Variants in C13orf42 observed in about 807,000 individuals in gnomAD.
The protein encoded by C13orf42 is uncharacterized protein C13orf42.
intron 1 of C13orf42, among the ~76,000 whole-genome samples, chr13:51,109,285 G>A (rs1235860641): frequency 6.6e-6 from 1 of 152,192 alleles, no homozygotes; most frequent in Non-Finnish European, 1.5e-5. Context: ...ATTTGATAGT[G>A]GGCCAGTCAG....
chr13:51,102,973 C>T (rs1384305126), intron 1 of C13orf42, among the ~76,000 whole-genome samples: 1 of 152,120 alleles, frequency 6.6e-6, no homozygotes, highest in Non-Finnish European at 1.5e-5. Context: ...GGGTAAACCG[C>T]CCCCATAATC....
At chr13:51,165,881 G>A (rs919797839) in intron 1 of C13orf42, among the ~76,000 whole-genome samples, 2 of 152,142 alleles carry the variant, frequency 1.3e-5, no homozygotes, top group African/African-American at 4.8e-5. Context: ...TTTTTAATCG[G>A]CATAGCACTA....
chr13:51,161,749 G>C (rs1399370268), intron 1 of C13orf42: 1 of 273,986 alleles, frequency 3.6e-6, no homozygotes, highest in East Asian at 9.6e-5. Context: ...CCCATGATGT[G>C]CTTCTGATGC....
At chr13:51,113,831 T>A (rs1436195484), upstream of C13orf42, among the ~76,000 whole-genome samples, 1 of 152,248 alleles carries the variant, frequency 6.6e-6, no homozygotes, top group East Asian at 1.9e-4. Context: ...GACAAACATC[T>A]AAGCAGGGAG....
chr13:51,092,339 T>C (rs1354751317), intron 1 of C13orf42, among the ~76,000 whole-genome samples: 1 of 152,256 alleles, frequency 6.6e-6, no homozygotes, highest in Admixed American at 6.5e-5. Flanking sequence ...ATCCATGTTT[T>C]TGATCACCAA....
At chr13:51,121,106 G>C (rs2138013774) in intron 1 of C13orf42, among the ~76,000 whole-genome samples, 1 of 152,326 alleles carries the variant, frequency 6.6e-6, no homozygotes, top group Middle Eastern at 3.4e-3. Flanking sequence ...ACAAGCTGTA[G>C]TGGTTGGTAG....
At chr13:51,115,160 T>G (rs564455809), upstream of C13orf42, among the ~76,000 whole-genome samples, 5 of 152,356 alleles carry the variant, frequency 3.3e-5, no homozygotes, top group South Asian at 1.0e-3. Flanking sequence ...CAAGCTATTA[T>G]TCCAGGTAAA....
chr13:51,123,994 T>C (rs1953556578), intron 1 of C13orf42, among the ~76,000 whole-genome samples: 2 of 152,206 alleles, frequency 1.3e-5, no homozygotes, highest in African/African-American at 4.8e-5. Flanking sequence ...TTACCAGCCA[T>C]TATTCCGGAG....
intron 1 of C13orf42, among the ~76,000 whole-genome samples, chr13:51,151,860 G>A (rs1422265909): frequency 6.6e-6 from 1 of 152,104 alleles, no homozygotes; most frequent in African/African-American, 2.4e-5. Context: ...ATGGTCCCAG[G>A]GCCTTTTATT....
intron 1 of C13orf42, among the ~76,000 whole-genome samples, chr13:51,150,949 T>C (rs1953773625): frequency 6.6e-6 from 1 of 152,172 alleles, no homozygotes; most frequent in Non-Finnish European, 1.5e-5. Context: ...CCAAAAAAAT[T>C]GGCCACAGCA....
intron 1 of C13orf42, among the ~76,000 whole-genome samples, chr13:51,130,763 C>T (rs1466777100): frequency 1.3e-5 from 2 of 151,716 alleles, no homozygotes; most frequent in African/African-American, 4.8e-5. Flanking sequence ...GTAAAAGTCA[C>T]TAAGAGTTAA....
upstream of C13orf42, among the ~76,000 whole-genome samples, chr13:51,115,736 A>C (rs921581680): frequency 1.3e-5 from 2 of 152,206 alleles, no homozygotes; most frequent in Non-Finnish European, 2.9e-5. Flanking sequence ...GATCAAATAA[A>C]TGTGTTGAAT....
At chr13:51,107,228 A>G (rs1953367484) in intron 1 of C13orf42, among the ~76,000 whole-genome samples, 2 of 152,216 alleles carry the variant, frequency 1.3e-5, no homozygotes, top group African/African-American at 4.8e-5. Flanking sequence ...GACCTGTTAG[A>G]AAGCCTCATT....
intron 1 of C13orf42, among the ~76,000 whole-genome samples, chr13:51,101,195 G>C (rs1953286270): frequency 6.6e-6 from 1 of 152,044 alleles, no homozygotes; most frequent in Non-Finnish European, 1.5e-5. Context: ...TTTTTGCTAG[G>C]CATTCTTCAT....
In C13orf42 at chr13:51,105,693, A is replaced by G. The variant is rs556500087; in HGVS notation, c.414+5103T>C. Among the ~76,000 whole-genome samples the G allele has an allele frequency of 4.9e-4, 74 of 152,264 alleles. 1 individual carries two copies. Among genetic ancestry groups the G allele is most frequent in the Admixed American group, 9.8e-4 (15 of 15,292 alleles). On this transcript the variant is annotated intron_variant, in intron 1 of 3. Coordinates refer to ENST00000563710, the MANE Select transcript of C13orf42 (RefSeq NM_001351589.3). Reference sequence around the variant, plus strand: ...AGCTGAATTAGCTTCTATGATCTGCATATTATTTTGAGTGGTCTTGATTTT... The same window carrying G: ...AGCTGAATTAGCTTCTATGATCTGCGTATTATTTTGAGTGGTCTTGATTTT...
At chr13:51,143,192 G>T (rs376325676) in intron 1 of C13orf42, among the ~76,000 whole-genome samples, 3 of 152,084 alleles carry the variant, frequency 2.0e-5, no homozygotes, top group African/African-American at 7.2e-5. Context: ...TCATCTTCAG[G>T]CCCCATAGAA....
intron 1 of C13orf42, among the ~76,000 whole-genome samples, chr13:51,163,949 A>C (rs1953885759): frequency 6.6e-6 from 1 of 152,124 alleles, no homozygotes; most frequent in African/African-American, 2.4e-5. Flanking sequence ...GCAACAAGCA[A>C]ACGGCAGGAG....
chr13:51,106,324 C>T (rs57634238), intron 1 of C13orf42, among the ~76,000 whole-genome samples: 4,204 of 152,252 alleles, frequency 0.028, 183 homozygotes, highest in African/African-American at 0.095. Context: ...TGCAGTATGA[C>T]GCAGCTGCCT....
At chr13:51,094,194 G>T (rs977851324) in intron 1 of C13orf42, among the ~76,000 whole-genome samples, 2 of 152,074 alleles carry the variant, frequency 1.3e-5, no homozygotes, top group Non-Finnish European at 2.9e-5. Flanking sequence ...TCCAGACCTG[G>T]ATTCTGTTAC....
Sources: allele counts gnomAD v4.1 joint callset (sites outside exome capture counted in the v4.1 genomes callset), GRCh38; gene constraint gnomAD v4.1.1; transcripts MANE v1.5; gene names NCBI Gene and HGNC (gene_info 2026-07-23, HGNC 2026-07-21).